Variants in OLFML1 observed in about 807,000 individuals in gnomAD.
OLFML1 encodes olfactomedin-like protein 1.
A neutral mutation model predicts 37.3 loss-of-function variants in OLFML1; 33 were observed. The ratio of observed to expected loss-of-function variants is 0.88; its 90% confidence interval spans 0.67 to 1.18. The LOEUF is 1.18. Among genes scored for constraint, OLFML1 ranks in the 50% most tolerant of loss-of-function variants. The pLI is 0.00. For missense variants in OLFML1, 545 were observed against 483.7 expected, an observed-to-expected ratio of 1.13 and a Z score of -1.19; for synonymous variants, 186 against 181.3, an observed-to-expected ratio of 1.03 and a Z score of -0.21.
intron 2 of OLFML1, among the ~76,000 whole-genome samples, chr11:7,492,089 G>A (rs140915340): frequency 0.013 from 1,993 of 152,276 alleles, 23 homozygotes; most frequent in Non-Finnish European, 0.02. Flanking sequence ...CAAGGGAAGG[G>A]AATTACACTG....
chr11:7,485,837 C>A lies in OLFML1; in HGVS notation c.-39C>A. The A allele has an allele frequency of 1.9e-6, 3 of 1,603,610 alleles. No individual in the cohort carries two copies. The highest frequency in any genetic ancestry group is 1.1e-5 in the South Asian group (1 of 89,694). On this transcript the variant is annotated 5_prime_UTR_variant, in exon 1 of 3. Coordinates refer to ENST00000329293, the MANE Select transcript of OLFML1 (RefSeq NM_198474.4). Reference sequence around the variant, plus strand: ...GCCCTTGAGACATCCTTGAGAAGAGCCACAGCATAAGAGACTGCCCTGCTT... The same window carrying A: ...GCCCTTGAGACATCCTTGAGAAGAGACACAGCATAAGAGACTGCCCTGCTT...
At chr11:7,502,134 C>T (rs1335624858) in intron 2 of OLFML1, among the ~76,000 whole-genome samples, 2 of 152,152 alleles carry the variant, frequency 1.3e-5, no homozygotes, top group Admixed American at 6.5e-5. Context: ...TAGGAGCTAA[C>T]TGTGGGAAGA....
At chr11:7,486,798 A>C (rs74576330) in intron 1 of OLFML1, among the ~76,000 whole-genome samples, 9,878 of 152,260 alleles carry the variant, frequency 0.065, 383 homozygotes, top group Non-Finnish European at 0.077. Context: ...TAATTATTTT[A>C]TACATTTTCC....
Position 7,509,609 on chromosome 11 carries a change from A to C in OLFML1, c.630A>C (p.Thr210=). The change falls in exon 3 of 3, where the codon ACA becomes ACC. Residue 210 remains threonine, a synonymous_variant. Coordinates refer to ENST00000329293, the MANE Select transcript of OLFML1 (RefSeq NM_198474.4). ...TKPAPRKQIL[T]LSWQGTGQVI... is the part of the protein sequence containing the mutation. Reference sequence around the variant, plus strand: ...CAGCTCCCCGGAAGCAAATCCTAACACTTTCCTGGCAGGGAACAGGCCAAG... The same window carrying C: ...CAGCTCCCCGGAAGCAAATCCTAACCCTTTCCTGGCAGGGAACAGGCCAAG... The C allele has an allele frequency of 6.2e-7, 1 of 1,614,220 alleles. No individual in the cohort carries two copies. Among genetic ancestry groups the C allele is most frequent in the South Asian group, 1.1e-5 (1 of 91,092 alleles).
chr11:7,504,564 A>G (rs946732920), intron 2 of OLFML1, among the ~76,000 whole-genome samples: 7 of 152,186 alleles, frequency 4.6e-5, no homozygotes, highest in Non-Finnish European at 8.8e-5. Context: ...GGAGACTGCT[A>G]CAGTAGTCCA....
chr11:7,509,130 G>C (rs1240120302), intron 2 of OLFML1, among the ~76,000 whole-genome samples: 1 of 152,180 alleles, frequency 6.6e-6, no homozygotes. Context: ...AAAATAAGGA[G>C]GTGAAAGAAT....
intron 2 of OLFML1, among the ~76,000 whole-genome samples, chr11:7,492,394 G>T (rs961507710): frequency 1.3e-5 from 2 of 152,158 alleles, no homozygotes. Context: ...TCATATGTAC[G>T]CATTGTCTTG....
chr11:7,506,504 CG>C (rs759516735), intron 2 of OLFML1, among the ~76,000 whole-genome samples: 2 of 151,790 alleles, frequency 1.3e-5, no homozygotes, highest in Non-Finnish European at 2.9e-5. Context: ...CTGGCCAGGG[CG>C]GGGTGTGTGG....
intron 2 of OLFML1, among the ~76,000 whole-genome samples, chr11:7,496,114 C>T (rs980139091): frequency 1.2e-4 from 18 of 152,222 alleles, no homozygotes; most frequent in African/African-American, 4.3e-4. Context: ...TGCCTAGGAA[C>T]AGCTGGGTGA....
chr11:7,488,021 G>A lies in OLFML1; in HGVS notation c.130-106G>A, dbSNP rs763467273. 71 of 753,282 alleles carry A rather than the reference G, an allele frequency of 9.4e-5. No individual in the cohort carries two copies. In the Middle Eastern group the frequency reaches 1.5e-3, roughly 16 times the overall value. 46.7% of individuals were successfully genotyped at this position (753,282 alleles called of 1,614,324 possible). ...GGAGATTTCAATTTTTCCCCTATTT[G>A]ATGATGTGTAATTTTCTAATCCTTT... On this transcript the variant is annotated intron_variant, in intron 1 of 2. Transcript: ENST00000329293.
chr11:7,499,733 A>G (rs1848700183), intron 2 of OLFML1, among the ~76,000 whole-genome samples: 1 of 152,218 alleles, frequency 6.6e-6, no homozygotes, highest in South Asian at 2.1e-4. Context: ...TTCCAGAACT[A>G]TGTTTCCCTG....
chr11:7,509,388 G>A lies in OLFML1; in HGVS notation c.419-10G>A, dbSNP rs1210960415. ...TAAAGTAATCTCTCCTTTTTCTCCT[G>A]TTTGGCCAGGCTGTGACAACATGCT... On this transcript the variant is annotated splice_polypyrimidine_tract_variant and intron_variant, in intron 2 of 2. Coordinates refer to ENST00000329293, the MANE Select transcript of OLFML1 (RefSeq NM_198474.4). 6.3e-7 allele frequency: 1 copy of A among 1,580,334 alleles called. No individual in the cohort carries two copies. Among genetic ancestry groups the A allele is most frequent in the Non-Finnish European group, 8.6e-7 (1 of 1,164,770 alleles).
In OLFML1 at chr11:7,485,764, T is replaced by G; in HGVS notation, c.-112T>G. 1 of 1,138,076 alleles carries G rather than the reference T, an allele frequency of 8.8e-7. No homozygotes were observed. The highest frequency in any genetic ancestry group is 1.3e-6 in the Non-Finnish European group (1 of 789,326). 70.5% of individuals were successfully genotyped at this position (1,138,076 alleles called of 1,614,324 possible). On this transcript the variant is annotated 5_prime_UTR_variant, in exon 1 of 3. Transcript: ENST00000329293. ...CTCTCTGCTGTGCAAAACGCTGTTT[T>G]TAGAGGATTTGCCACAGCAGCGGAT...
At chr11:7,493,179 A>G (rs1214965113) in intron 2 of OLFML1, among the ~76,000 whole-genome samples, 2 of 152,210 alleles carry the variant, frequency 1.3e-5, no homozygotes, top group African/African-American at 2.4e-5. Flanking sequence ...AGTTACCTCA[A>G]GTAACCTTCA....
At chr11:7,492,554 A>C (rs1157194384) in intron 2 of OLFML1, among the ~76,000 whole-genome samples, 1 of 152,216 alleles carries the variant, frequency 6.6e-6, no homozygotes, top group Admixed American at 6.5e-5. Flanking sequence ...CTAAGGGCCA[A>C]GTACTGAGAA....
At chr11:7,508,626 C>T (rs1848813088) in intron 2 of OLFML1, among the ~76,000 whole-genome samples, 1 of 152,214 alleles carries the variant, frequency 6.6e-6, no homozygotes, top group African/African-American at 2.4e-5. Context: ...CATAATACTT[C>T]GCTCATTATC....
intron 2 of OLFML1, among the ~76,000 whole-genome samples, chr11:7,493,690 G>T (rs549585747): frequency 7.9e-4 from 121 of 152,336 alleles, no homozygotes; most frequent in African/African-American, 2.8e-3. Context: ...CACTTCTTTT[G>T]TTTATCCATC....
At position 7,485,756 on chromosome 11, in the gene OLFML1, C is replaced by T. The variant is rs905416580; in HGVS notation, c.-120C>T. ...GGACTTTGCTCTCTGCTGTGCAAAA[C>T]GCTGTTTTTAGAGGATTTGCCACAG... On this transcript the variant is annotated 5_prime_UTR_variant, in exon 1 of 3. In the 5' UTR this introduces an upstream ATG that the reference lacks. Transcript: ENST00000329293. The T allele has an allele frequency of 1.3e-5, 14 of 1,037,294 alleles. No homozygotes were observed. The highest frequency in any genetic ancestry group is 3.1e-5 in the South Asian group (2 of 64,298). The allele number at this position is 1,037,294 out of a possible 1,614,324, so 64.3% of individuals were successfully genotyped here.
chr11:7,500,988 T>G (rs954649329), intron 2 of OLFML1, among the ~76,000 whole-genome samples: 1 of 152,224 alleles, frequency 6.6e-6, no homozygotes, highest in Non-Finnish European at 1.5e-5. Context: ...AGATATTTAT[T>G]AACTTCTCTA....
Sources: gnomAD v4.1 joint callset for allele counts (sites outside exome capture counted in the v4.1 genomes callset) on GRCh38, gnomAD v4.1.1 for gene constraint, MANE v1.5 for transcripts, NCBI Gene and HGNC (gene_info 2026-07-23, HGNC 2026-07-21) for gene names.